ZNF430: variants seen among roughly 807,000 people sequenced by gnomAD.
ZNF430 encodes zinc finger protein 430.
In ZNF430, 35 loss-of-function variants were observed where a neutral mutation model predicts 56.7. That is an observed-to-expected ratio of 0.62 (90% CI 0.47 to 0.82). The LOEUF (loss-of-function observed/expected upper bound fraction) is 0.82. ZNF430 is among the 40% of genes least tolerant of loss of function. The pLI, the probability that ZNF430 is intolerant of heterozygous loss-of-function variation, is 0.00. For synonymous variants in ZNF430, 212 were observed against 224.3 expected (o/e 0.94, Z 0.49); for missense variants, 574 against 661.0 (o/e 0.87, Z 1.44).
intron 4 of ZNF430, among the ~76,000 whole-genome samples, chr19:21,044,535 G>T (rs1236938664): frequency 6.6e-6 from 1 of 152,094 alleles, no homozygotes; most frequent in Non-Finnish European, 1.5e-5. Flanking sequence ...ATATTGGCTT[G>T]AAGTTTCTTG....
chr19:21,054,173 T>C (rs1968331489), intron 4 of ZNF430, among the ~76,000 whole-genome samples: 1 of 152,168 alleles, frequency 6.6e-6, no homozygotes, highest in African/African-American at 2.4e-5. Context: ...AAATGTTTTC[T>C]GCACCATTAT....
At chr19:21,055,343 G>T (rs1171421318) in intron 4 of ZNF430, among the ~76,000 whole-genome samples, 1 of 151,928 alleles carries the variant, frequency 6.6e-6, no homozygotes, top group Non-Finnish European at 1.5e-5. Context: ...AGAGATACTG[G>T]GAGTCTCTCA....
In ZNF430 at chr19:21,058,049, C is replaced by G; in HGVS notation, c.*28C>G. 1 of 1,587,406 alleles carries G rather than the reference C, an allele frequency of 6.3e-7. No homozygotes were observed. The highest frequency in any genetic ancestry group is 1.4e-5 in the African/African-American group (1 of 73,842). On this transcript the variant is annotated 3_prime_UTR_variant, in exon 5 of 5. Coordinates refer to ENST00000261560, the MANE Select transcript of ZNF430 (RefSeq NM_025189.4). ...ATTGTGGCAAAGCCTCTAACCCGTC[C>G]TGAATTCTTACTAAACATAAGAACA...
rs139763512 is a variant in ZNF430 at position 21,057,773 on chromosome 19, G to C, written c.1465G>C (p.Glu489Gln). The C allele has an allele frequency of 1.7e-3, 2,677 of 1,613,714 alleles. 5 individuals are homozygous for C. The highest frequency in any genetic ancestry group is 2.2e-3 in the Non-Finnish European group (2,553 of 1,179,930). The change falls in exon 5 of 5, where the codon GAA (glutamate) becomes CAA (glutamine). Residue 489 changes from glutamate (E) to glutamine (Q), a missense_variant. By Grantham distance (29) the Glu-to-Gln change is conservative. Transcript: ENST00000261560. The stretch of plus-strand genomic sequence containing the variant: ...TGGAGAGAAACCCTACAAATGTGAA[G>C]AATGTGGCAAAGCTTTTAACCAATT... ...HSGEKPYKCEECGKAFNQFSN... is the reference protein window; with the variant it reads ...HSGEKPYKCEQCGKAFNQFSN...
At chr19:21,056,512 T>G in intron 4 of ZNF430, 119 bp from the exon 5 acceptor site, 1 of 730,050 alleles carries the variant, frequency 1.4e-6, no homozygotes, top group Non-Finnish European at 2.0e-6. Flanking sequence ...ATTAGGGCCT[T>G]TATTATTTTG....
chr19:21,048,150 A>G (rs1454867939), intron 4 of ZNF430, among the ~76,000 whole-genome samples: 1 of 135,888 alleles, frequency 7.4e-6, no homozygotes, highest in African/African-American at 2.6e-5. Context: ...TAAAATGGAG[A>G]TTACATAAAA....
At chr19:21,056,456 T>G (rs954409591) in intron 4 of ZNF430, among the ~76,000 whole-genome samples, 175 bp from the exon 5 acceptor site, 4 of 150,720 alleles carry the variant, frequency 2.7e-5, no homozygotes, top group African/African-American at 9.8e-5. Context: ...GCCATTGCAC[T>G]CCATCCTGGG....
rs61744905 is a variant in ZNF430, at chr19:21,057,916, T to C, written c.1608T>C (p.Thr536=). The C allele has an allele frequency of 0.021, 34,605 of 1,613,774 alleles. 1,494 individuals carry two copies. The highest frequency in any genetic ancestry group is 0.19 in the African/African-American group (13,922 of 74,942). The change falls in exon 5 of 5, where the codon ACT becomes ACC. Residue 536 remains threonine, a synonymous_variant. Transcript: ENST00000261560. The stretch of plus-strand genomic sequence containing the variant: ...TTACTAAACATAAGGTAATTCATAC[T>C]GGAGAGAAACCCTACAACTGTGAAG... ...STLTKHKVIH[T]GEKPYNCEEY...
chr19:21,057,775 ATG>A lies in ZNF430; in HGVS notation c.1470_1471del (p.Cys490TrpfsTer5). On this transcript the variant is annotated frameshift_variant, in exon 5 of 5. Transcript: ENST00000261560. LOFTEE classifies it high-confidence loss of function. ...GAGAGAAACCCTACAAATGTGAAGAATGTGGCAAAGCTTTTAACCAATTCTCA... is the reference window on the plus strand; with the variant it reads ...GAGAGAAACCCTACAAATGTGAAGAATGGCAAAGCTTTTAACCAATTCTCA... ...SGEKPYKCEE[C>X]GKAFNQFSNL... 6.2e-7 allele frequency: 1 copy of A among 1,613,900 alleles called. No individual in the cohort carries two copies. The highest frequency in any genetic ancestry group is 2.2e-5 in the East Asian group (1 of 44,850).
intron 2 of ZNF430, among the ~76,000 whole-genome samples, chr19:21,025,516 G>GGTCT (rs1283521628): frequency 6.6e-6 from 1 of 151,988 alleles, no homozygotes; most frequent in East Asian, 1.9e-4. Flanking sequence ...CAGCCCCATA[G>GGTCT]GTCTCAGCCT....
intron 4 of ZNF430, among the ~76,000 whole-genome samples, chr19:21,040,896 T>C (rs1968090323): frequency 6.6e-6 from 1 of 152,206 alleles, no homozygotes; most frequent in Non-Finnish European, 1.5e-5. Context: ...CATTTGGCCA[T>C]TATATAATAT....
intron 4 of ZNF430, among the ~76,000 whole-genome samples, chr19:21,038,078 G>T (rs1968034943): frequency 6.6e-6 from 1 of 151,926 alleles, no homozygotes; most frequent in Non-Finnish European, 1.5e-5. Flanking sequence ...TTAATTTTTT[G>T]TTGTTGTTCC....
At position 21,056,624 on chromosome 19, in the gene ZNF430, C is replaced by T; in HGVS notation, c.323-7C>T. Reference sequence around the variant, plus strand: ...ATGGAGTAATTTGTTATTTTTATTTCTTTCAGTTACATATTCTCATTTTGC... The same window carrying T: ...ATGGAGTAATTTGTTATTTTTATTTTTTTCAGTTACATATTCTCATTTTGC... On this transcript the variant is annotated splice_polypyrimidine_tract_variant and splice_region_variant and intron_variant, in intron 4 of 4. Coordinates refer to ENST00000261560, the MANE Select transcript of ZNF430 (RefSeq NM_025189.4). 1 of 1,489,742 alleles carries T rather than the reference C, an allele frequency of 6.7e-7. No homozygotes were observed. The highest frequency in any genetic ancestry group is 8.9e-7 in the Non-Finnish European group (1 of 1,119,670). The allele number at this position is 1,489,742 out of a possible 1,614,324, so 92.3% of individuals were successfully genotyped here.
At chr19:21,053,410 T>C (rs1221364478) in intron 4 of ZNF430, 1 of 152,188 alleles carries the variant, frequency 6.6e-6, no homozygotes, top group South Asian at 2.1e-4. Context: ...TTTATTTATT[T>C]TGATACAAAG....
chr19:21,024,696 C>A lies in ZNF430; in HGVS notation c.96+1815C>A, dbSNP rs1052019085. Among the ~76,000 whole-genome samples, 7 of 151,594 alleles carry A rather than the reference C, an allele frequency of 4.6e-5. No homozygotes were observed. The East Asian group carries it at 1.4e-3, about 29-fold the overall frequency. ...TCGGGAGGCTGAGGCAGGAGAATGG[C>A]GTAAACCCAGGAGGTGGAGCTGGCA... On this transcript the variant is annotated intron_variant, in intron 2 of 4. Transcript: ENST00000261560.
rs1405951254 is a variant in ZNF430 at position 21,058,251 on chromosome 19, C to G, written c.*230C>G. 2.0e-6 allele frequency: 1 copy of G among 501,248 alleles called. No homozygotes were observed. The highest frequency in any genetic ancestry group is 3.4e-5 in the East Asian group (1 of 29,736). 31.1% of individuals were successfully genotyped at this position (501,248 alleles called of 1,614,324 possible). A position where few individuals can be genotyped will look rare whatever the true frequency, so the allele number is the denominator to read the frequency against. On this transcript the variant is annotated 3_prime_UTR_variant, in exon 5 of 5. Transcript: ENST00000261560. Reference sequence around the variant, plus strand: ...CATGAGGTTGGGAGTTCGAGACCAGCCTGACCAACATGGTGAAATCCTGTC... The same window carrying G: ...CATGAGGTTGGGAGTTCGAGACCAGGCTGACCAACATGGTGAAATCCTGTC...
chr19:21,041,961 C>T (rs1273789373), intron 4 of ZNF430, among the ~76,000 whole-genome samples: 4 of 152,302 alleles, frequency 2.6e-5, no homozygotes, highest in African/African-American at 7.2e-5. Context: ...ATCTGCCCAC[C>T]TCAGCCTCCC....
intron 4 of ZNF430, among the ~76,000 whole-genome samples, chr19:21,045,851 A>G (rs956774349): frequency 6.6e-6 from 1 of 151,444 alleles, no homozygotes; most frequent in South Asian, 2.1e-4. Context: ...TACAATTGCA[A>G]CTCCTCCTTT....
chr19:21,023,953 A>T (rs1252100241), intron 2 of ZNF430, among the ~76,000 whole-genome samples: 1 of 152,230 alleles, frequency 6.6e-6, no homozygotes, highest in Non-Finnish European at 1.5e-5. Flanking sequence ...ATAAATTGCA[A>T]ACACCTTAAA....
Sources: allele counts gnomAD v4.1 joint callset (sites outside exome capture counted in the v4.1 genomes callset), GRCh38; gene constraint gnomAD v4.1.1; transcripts MANE v1.5; gene names NCBI Gene and HGNC (gene_info 2026-07-23, HGNC 2026-07-21).